The following PLPPR1 variants were observed in gnomAD, a reference collection of about 807,000 sequenced individuals.
PLPPR1 encodes the protein phospholipid phosphatase related 1, also known as phospholipid phosphatase-related protein type 1.
In PLPPR1, 10 loss-of-function variants were observed where a neutral mutation model predicts 33.1. The observed-to-expected ratio is 0.30, with a 90% confidence interval of 0.19 to 0.51. The LOEUF (loss-of-function observed/expected upper bound fraction) is 0.51. Among genes scored for constraint, PLPPR1 ranks in the 20% least tolerant of loss-of-function variants. The pLI, the probability that PLPPR1 is intolerant of heterozygous loss-of-function variation, is 0.97. For synonymous variants in PLPPR1, 151 were observed against 151.0 expected, an observed-to-expected ratio of 1.00 and a Z score of 0.00; for missense variants, 304 against 408.1, an observed-to-expected ratio of 0.74 and a Z score of 2.20.
chr9:101,094,406 G>T (rs539540833), intron 1 of PLPPR1, among the ~76,000 whole-genome samples: 35 of 152,234 alleles, frequency 2.3e-4, no homozygotes, highest in Non-Finnish European at 4.0e-4. Flanking sequence ...ACACAGGAAT[G>T]CAGAATGCAC....
chr9:101,204,857 C>A (rs1444933231), intron 2 of PLPPR1, among the ~76,000 whole-genome samples: 1 of 151,818 alleles, frequency 6.6e-6, no homozygotes, highest in Non-Finnish European at 1.5e-5. Flanking sequence ...GAGTAAGACT[C>A]AATTTTACTA....
intron 4 of PLPPR1, among the ~76,000 whole-genome samples, chr9:101,292,745 A>G (rs1193724665): frequency 1.3e-5 from 2 of 151,852 alleles, no homozygotes; most frequent in African/African-American, 4.9e-5. Context: ...TTTACAGACA[A>G]GCAAATGCTG....
chr9:101,056,673 A>G (rs570857108), intron 1 of PLPPR1, among the ~76,000 whole-genome samples: 1 of 152,350 alleles, frequency 6.6e-6, no homozygotes, highest in East Asian at 1.9e-4. Context: ...GGGCAAATGT[A>G]CTAGAGCAAA....
At chr9:101,150,370 T>C (rs902796128) in intron 1 of PLPPR1, among the ~76,000 whole-genome samples, 23 of 152,308 alleles carry the variant, frequency 1.5e-4, no homozygotes, top group Admixed American at 1.4e-3. Context: ...TTTTGTAGTT[T>C]TATGCATAGG....
intron 1 of PLPPR1, among the ~76,000 whole-genome samples, chr9:101,096,010 C>T (rs1427443442): frequency 6.6e-6 from 1 of 152,112 alleles, no homozygotes; most frequent in Non-Finnish European, 1.5e-5. Flanking sequence ...CCAAAAATGA[C>T]AGAAGATGTG....
chr9:101,238,247 G>T (rs111207248), intron 2 of PLPPR1, among the ~76,000 whole-genome samples: 13,995 of 131,286 alleles, frequency 0.11, 1,419 homozygotes, highest in African/African-American at 0.26. Context: ...TACCTATATA[G>T]AGAGAGGTAT....
intron 6 of PLPPR1, among the ~76,000 whole-genome samples, chr9:101,313,281 A>C (rs898867980): frequency 1.3e-5 from 2 of 152,294 alleles, no homozygotes; most frequent in African/African-American, 4.8e-5. Flanking sequence ...ATAAATTGGC[A>C]CACCTTCAAA....
intron 1 of PLPPR1, among the ~76,000 whole-genome samples, chr9:101,154,270 G>A (rs540830586): frequency 6.6e-6 from 1 of 152,280 alleles, no homozygotes. Context: ...GATTGGAATA[G>A]TTTCAGAAGG....
At chr9:101,211,462 T>C (rs184394673) in intron 2 of PLPPR1, among the ~76,000 whole-genome samples, 8 of 152,334 alleles carry the variant, frequency 5.3e-5, no homozygotes, top group Admixed American at 2.0e-4. Flanking sequence ...CACAGTCCCA[T>C]GGTGTGCATC....
At chr9:101,077,740 G>T (rs557724483) in intron 1 of PLPPR1, among the ~76,000 whole-genome samples, 2 of 152,148 alleles carry the variant, frequency 1.3e-5, no homozygotes, top group South Asian at 2.1e-4. Flanking sequence ...AGGCAAGGGA[G>T]CTGCATCTAG....
At chr9:101,031,884 G>T (rs1344780471) in intron 1 of PLPPR1, among the ~76,000 whole-genome samples, 4 of 152,116 alleles carry the variant, frequency 2.6e-5, no homozygotes, top group Non-Finnish European at 5.9e-5. Flanking sequence ...ACAGCATCTG[G>T]GTGACACCAG....
At chr9:101,270,164 C>T in intron 3 of PLPPR1, 96 bp downstream of exon 3, 2 of 1,336,820 alleles carry the variant, frequency 1.5e-6, no homozygotes, top group Admixed American at 2.0e-5. Flanking sequence ...TGAGCATTCA[C>T]CAGCAGTTTT....
chr9:101,185,434 C>A lies in PLPPR1; in HGVS notation c.-45-16C>A. Reference sequence around the variant, plus strand: ...AATATATGGTTCTTATACTATGCAACCTATTTCTATTTCAGCCTGGACAGT... The same window carrying A: ...AATATATGGTTCTTATACTATGCAAACTATTTCTATTTCAGCCTGGACAGT... On this transcript the variant is annotated splice_polypyrimidine_tract_variant and intron_variant, in intron 1 of 7. Transcript: ENST00000374874. 1 of 1,007,100 alleles carries A rather than the reference C, an allele frequency of 9.9e-7. No individual in the cohort carries two copies. The highest frequency in any genetic ancestry group is 1.6e-6 in the Non-Finnish European group (1 of 642,684). The allele number at this position is 1,007,100 out of a possible 1,614,324, so 62.4% of individuals were successfully genotyped here.
At position 101,185,439 on chromosome 9, in the gene PLPPR1, T is replaced by A. The variant is rs1658565595; in HGVS notation, c.-45-11T>A. ...ATGGTTCTTATACTATGCAACCTAT[T>A]TCTATTTCAGCCTGGACAGTTTTTG... On this transcript the variant is annotated splice_polypyrimidine_tract_variant and intron_variant, in intron 1 of 7. Coordinates refer to ENST00000374874, the MANE Select transcript of PLPPR1 (RefSeq NM_207299.2). 9.2e-7 allele frequency: 1 copy of A among 1,091,782 alleles called. No homozygotes were observed. Among genetic ancestry groups the A allele is most frequent in the African/African-American group, 1.6e-5 (1 of 63,800 alleles). 67.6% of individuals were successfully genotyped at this position (1,091,782 alleles called of 1,614,324 possible).
At chr9:101,123,290 T>G (rs1275199331) in intron 1 of PLPPR1, among the ~76,000 whole-genome samples, 3 of 151,236 alleles carry the variant, frequency 2.0e-5, no homozygotes, top group Non-Finnish European at 4.4e-5. Context: ...AGTAGAATAT[T>G]TTTATGGTTA....
At chr9:101,046,584 C>T (rs563110306) in intron 1 of PLPPR1, among the ~76,000 whole-genome samples, 4 of 151,960 alleles carry the variant, frequency 2.6e-5, no homozygotes, top group African/African-American at 4.8e-5. Context: ...GGACTACCTG[C>T]GTCTGCCACC....
chr9:101,074,939 A>G (rs1420773013), intron 1 of PLPPR1, among the ~76,000 whole-genome samples: 1 of 152,166 alleles, frequency 6.6e-6, no homozygotes. Flanking sequence ...TCCCAAGCAA[A>G]AGAAATTAAG....
chr9:101,274,131 T>A (rs1828146718), intron 3 of PLPPR1, among the ~76,000 whole-genome samples: 1 of 152,234 alleles, frequency 6.6e-6, no homozygotes, highest in African/African-American at 2.4e-5. Flanking sequence ...ACAGTTCTAC[T>A]CTAGTTCTCG....
intron 1 of PLPPR1, among the ~76,000 whole-genome samples, chr9:101,065,365 C>T (rs1416663): frequency 0.68 from 103,995 of 151,946 alleles, 35,955 homozygotes; most frequent in East Asian, 0.88. Flanking sequence ...CACTCACTTC[C>T]TTTCAAACCT....
Sources: allele counts gnomAD v4.1 joint callset (sites outside exome capture counted in the v4.1 genomes callset), GRCh38; gene constraint gnomAD v4.1.1; transcripts MANE v1.5; gene names NCBI Gene and HGNC (gene_info 2026-07-23, HGNC 2026-07-21).